The following HACD3 variants were observed in gnomAD, a reference collection of about 807,000 sequenced individuals.
The protein encoded by HACD3 is very-long-chain (3R)-3-hydroxyacyl-CoA dehydratase 3.
A neutral mutation model predicts 55.2 loss-of-function variants in HACD3; 30 were observed. The ratio of observed to expected loss-of-function variants is 0.54; its 90% confidence interval spans 0.41 to 0.74. HACD3 has a LOEUF of 0.74. Ranked by LOEUF, HACD3 falls within the 30% of genes least tolerant of loss-of-function variation. The pLI is 0.00. For missense variants in HACD3, 363 were observed against 440.1 expected (o/e 0.82, Z 1.57); for synonymous variants, 141 against 151.7 (o/e 0.93, Z 0.52).
intron 1 of HACD3, chr15:65,550,780 A>G (rs2072124454): frequency 6.6e-6 from 1 of 152,254 alleles, no homozygotes; most frequent in African/African-American, 2.4e-5. Context: ...GTTGGGGAAC[A>G]CAGAAAGCTA....
chr15:65,564,681 C>G (rs919311790), intron 7 of HACD3: 2 of 186,130 alleles, frequency 1.1e-5, no homozygotes, highest in Non-Finnish European at 1.1e-5. Context: ...CATTTACCTC[C>G]CCCTAGGTCC....
intron 10 of HACD3, among the ~76,000 whole-genome samples, chr15:65,573,585 G>A (rs564807483): frequency 7.6e-4 from 111 of 146,480 alleles, no homozygotes; most frequent in African/African-American, 2.7e-3. Context: ...TCCAGCCTGT[G>A]TGACAGAGCA....
Position 65,568,029 on chromosome 15 carries a change from TCTC to T in HACD3, c.661-2059_661-2057del, listed in dbSNP as rs553102002. On this transcript the variant is annotated intron_variant, in intron 7 of 10. Transcript: ENST00000261875. ...CCCCTGCCTCCTGGGTTCACGCAAT[TCTC>T]CTACCTCAGCCTCCCGAGTAGCTAG... is the stretch of plus-strand genomic sequence containing the variant. 1.2e-3 allele frequency among the ~76,000 whole-genome samples: 182 copies of T among 151,910 alleles called. 2 individuals are homozygous for T. Among genetic ancestry groups the T allele is most frequent in the Admixed American group, 0.011 (173 of 15,256 alleles).
chr15:65,575,736 TC>T (rs1193013842), intron 10 of HACD3, among the ~76,000 whole-genome samples: 5 of 152,196 alleles, frequency 3.3e-5, no homozygotes, highest in Non-Finnish European at 5.9e-5. Context: ...ATCTAGATGT[TC>T]CCTGTATAAT....
In HACD3 at chr15:65,559,643, T is replaced by C. The variant is rs534388816; in HGVS notation, c.421+912T>C. On this transcript the variant is annotated intron_variant, in intron 5 of 10. Transcript: ENST00000261875. ...CAGAGCAGCTCTCTTTTGAGTGTTA[T>C]GTGTTGGCATTCCGAATAAGGTTTC... 3.5e-4 allele frequency among the ~76,000 whole-genome samples: 53 copies of C among 151,914 alleles called. No homozygotes were observed. The South Asian group carries it at 5.6e-3, about 16-fold the overall frequency.
chr15:65,550,378 A>T (rs2072120445), intron 1 of HACD3, among the ~76,000 whole-genome samples: 1 of 152,182 alleles, frequency 6.6e-6, no homozygotes, highest in Non-Finnish European at 1.5e-5. Flanking sequence ...ATTTTTCAAA[A>T]AAAAGAAAGA....
chr15:65,546,130 A>G (rs1343075826), intron 1 of HACD3, among the ~76,000 whole-genome samples: 2 of 152,246 alleles, frequency 1.3e-5, no homozygotes, highest in African/African-American at 4.8e-5. Context: ...GTTCCAGCCC[A>G]ATATACTATA....
At position 65,554,977 on chromosome 15, in the gene HACD3, C is replaced by G; in HGVS notation, c.204+17C>G. 1 of 1,565,274 alleles carries G rather than the reference C, an allele frequency of 6.4e-7. No homozygotes were observed. Among genetic ancestry groups the G allele is most frequent in the Non-Finnish European group, 8.8e-7 (1 of 1,136,260 alleles). ...AAACCAGAGGTATGTTCTTTCCTTT[C>G]TCACTTCCCTTCCCATTTTAGGAAA... On this transcript the variant is annotated intron_variant, in intron 3 of 10. Transcript: ENST00000261875.
chr15:65,534,707 T>C (rs1210552354), intron 1 of HACD3, among the ~76,000 whole-genome samples: 3 of 152,134 alleles, frequency 2.0e-5, no homozygotes, highest in Non-Finnish European at 4.4e-5. Flanking sequence ...TCCTTGTTCT[T>C]ATTACACTTA....
At chr15:65,555,028 G>C (rs2072174899) in intron 3 of HACD3, 68 bp downstream of exon 3, 2 of 1,241,502 alleles carry the variant, frequency 1.6e-6, no homozygotes, top group Admixed American at 3.5e-5. Context: ...TAGTGAAATG[G>C]GGAGCAGGGT....
intron 1 of HACD3, among the ~76,000 whole-genome samples, chr15:65,545,884 C>A (rs1276950089): frequency 2.6e-5 from 4 of 152,198 alleles, no homozygotes; most frequent in African/African-American, 9.6e-5. Context: ...GAATAGAATG[C>A]TGGAGAATGA....
chr15:65,555,172 G>A (rs938124495), intron 3 of HACD3, among the ~76,000 whole-genome samples: 1 of 152,212 alleles, frequency 6.6e-6, no homozygotes, highest in Non-Finnish European at 1.5e-5. Context: ...CCATTTATTA[G>A]CAGTGTGATC....
chr15:65,545,697 G>A (rs571498044), intron 1 of HACD3, among the ~76,000 whole-genome samples: 10 of 151,324 alleles, frequency 6.6e-5, no homozygotes, highest in Admixed American at 3.9e-4. Flanking sequence ...CTTGTGATCC[G>A]CCCGCCTCGG....
intron 1 of HACD3, among the ~76,000 whole-genome samples, chr15:65,544,212 C>G (rs1049464623): frequency 1.3e-5 from 2 of 151,950 alleles, no homozygotes; most frequent in Non-Finnish European, 2.9e-5. Context: ...AATCCGTGAG[C>G]CCATAGTGAA....
intron 1 of HACD3, among the ~76,000 whole-genome samples, chr15:65,531,764 C>CCA (rs1459841493): frequency 6.6e-6 from 1 of 152,032 alleles, no homozygotes; most frequent in Non-Finnish European, 1.5e-5. Context: ...CAGGGTTTCA[C>CCA]CATGTTGGCC....
At chr15:65,548,661 C>G (rs2072100516) in intron 1 of HACD3, among the ~76,000 whole-genome samples, 1 of 152,020 alleles carries the variant, frequency 6.6e-6, no homozygotes, top group South Asian at 2.1e-4. Context: ...CAGCTTCGAC[C>G]TCCTGGGCTC....
chr15:65,537,756 G>GCAC (rs1420513155), intron 1 of HACD3, among the ~76,000 whole-genome samples: 42 of 114,874 alleles, frequency 3.7e-4, no homozygotes, highest in African/African-American at 1.4e-3. Context: ...TCGCACCACT[G>GCAC]CACTCCAGCC....
intron 10 of HACD3, among the ~76,000 whole-genome samples, chr15:65,574,962 G>C (rs1036701721): frequency 6.6e-6 from 1 of 152,102 alleles, no homozygotes; most frequent in African/African-American, 2.4e-5. Flanking sequence ...AGGGTAGAGG[G>C]GTAGAAATAT....
In HACD3 at chr15:65,578,194, G is replaced by A. The variant is rs886419102; in HGVS notation, c.*1815G>A. 1.3e-5 allele frequency: 2 copies of A among 152,200 alleles called. No individual in the cohort carries two copies. The highest frequency in any genetic ancestry group is 1.3e-4 in the Admixed American group (2 of 15,280). 9.4% of individuals were successfully genotyped at this position (152,200 alleles called of 1,614,324 possible). ...TGTATTGATTTCTGATATTCTTGCA[G>A]CTGACTACGTGTAATTGGGCAGATC... On this transcript the variant is annotated 3_prime_UTR_variant, in exon 11 of 11. Transcript: ENST00000261875.
Sources: gnomAD v4.1 joint callset for allele counts (sites outside exome capture counted in the v4.1 genomes callset) on GRCh38, gnomAD v4.1.1 for gene constraint, MANE v1.5 for transcripts, NCBI Gene and HGNC (gene_info 2026-07-23, HGNC 2026-07-21) for gene names.